Variants in FAM98B observed in about 807,000 individuals in gnomAD.
FAM98B encodes the protein tRNA-splicing ligase complex subunit FAM98B.
Under a neutral mutation model 43.9 loss-of-function variants are expected in FAM98B, and 32 were observed. That is an observed-to-expected ratio of 0.73 (90% confidence interval 0.55 to 0.98). FAM98B has a LOEUF of 0.98. Ranked by LOEUF, FAM98B falls within the 50% of genes least tolerant of loss-of-function variation. The pLI is 0.00. For missense variants in FAM98B, 514 were observed against 522.9 expected (o/e 0.98, Z 0.17); for synonymous variants, 190 against 174.0 (o/e 1.09, Z -0.72).
intron 1 of FAM98B, among the ~76,000 whole-genome samples, chr15:38,456,925 CTTTT>C (rs1889858168): frequency 6.6e-6 from 1 of 152,146 alleles, no homozygotes; most frequent in Non-Finnish European, 1.5e-5. Flanking sequence ...CATGCAGCCC[CTTTT>C]AGTCTGTGTT....
intron 6 of FAM98B, among the ~76,000 whole-genome samples, chr15:38,480,705 A>C (rs1890269599): frequency 6.6e-6 from 1 of 152,210 alleles, no homozygotes; most frequent in South Asian, 2.1e-4. Flanking sequence ...AGTTCTCATT[A>C]AATGTTAACT....
In FAM98B at chr15:38,484,536, T is replaced by C. The variant is rs1231841456; in HGVS notation, c.1179T>C (p.Tyr393=). 2 of 1,159,710 alleles carry C rather than the reference T, an allele frequency of 1.7e-6. No homozygotes were observed. The highest frequency in any genetic ancestry group is 2.1e-6 in the Non-Finnish European group (2 of 942,136). 71.8% of individuals were successfully genotyped at this position (1,159,710 alleles called of 1,614,324 possible). A position where few individuals can be genotyped will look rare whatever the true frequency, so the allele number is the denominator to read the frequency against. ...GAGGTTTCCAAGGCAGGGGAGATTA[T>C]GGTGGAAGAGGGGGTTATGGTGGAA... ...GRGGFQGRGD[Y]GGRGGYGGRG... The change falls in exon 8 of 8, where the codon TAT becomes TAC. Residue 393 remains tyrosine (Y), a synonymous_variant. Transcript: ENST00000397609.
chr15:38,477,971 A>G (rs1434820371), intron 6 of FAM98B, among the ~76,000 whole-genome samples: 1 of 152,268 alleles, frequency 6.6e-6, no homozygotes, highest in South Asian at 2.1e-4. Flanking sequence ...TAGAGGTTTT[A>G]TCTATGTTGG....
rs748235091 is a variant in FAM98B at position 38,484,614 on chromosome 15, T to A, written c.1257T>A (p.Gly419=). Residue 419 remains glycine (G), a synonymous_variant, in exon 8 of 8, where the codon GGT becomes GGA. Transcript: ENST00000397609. The stretch of plus-strand genomic sequence containing the variant: ...GAGATCCATATGGAGGAGGTGGTGG[T>A]GGTGGTGGTGGTGGTGGTGGAGGAG... ...GYGDPYGGGG[G]GGGGGGGGGG... 6.0e-5 allele frequency: 52 copies of A among 864,834 alleles called. No homozygotes were observed. The highest frequency in any genetic ancestry group is 1.7e-4 in the South Asian group (8 of 47,148). 53.6% of individuals were successfully genotyped at this position (864,834 alleles called of 1,614,324 possible). A position where few individuals can be genotyped will look rare whatever the true frequency, so the allele number is the denominator to read the frequency against.
chr15:38,465,799 C>T (rs1890022282), intron 3 of FAM98B, among the ~76,000 whole-genome samples: 1 of 152,076 alleles, frequency 6.6e-6, no homozygotes, highest in Non-Finnish European at 1.5e-5. Context: ...ACACCAAGAA[C>T]TGCTCTGGAT....
intron 3 of FAM98B, among the ~76,000 whole-genome samples, chr15:38,466,206 G>A (rs1160273925): frequency 1.3e-5 from 2 of 151,700 alleles, no homozygotes; most frequent in African/African-American, 4.8e-5. Context: ...GTGTGTGTGT[G>A]TGTGTGTGTG....
chr15:38,478,224 A>T (rs1890233586), intron 6 of FAM98B, among the ~76,000 whole-genome samples: 1 of 152,170 alleles, frequency 6.6e-6, no homozygotes, highest in African/African-American at 2.4e-5. Context: ...TTGAGCAAAT[A>T]TTCCTTTAGG....
intron 7 of FAM98B, 179 bp downstream of exon 7, chr15:38,481,638 T>C (rs766052033): frequency 8.6e-6 from 13 of 1,514,640 alleles, no homozygotes; most frequent in Admixed American, 6.3e-5. Flanking sequence ...TTCACTTGAA[T>C]TTGTGTATTC....
At position 38,474,230 on chromosome 15, in the gene FAM98B, C is replaced by T. The variant is rs1181749907; in HGVS notation, c.661C>T (p.Arg221Cys). 3.7e-6 allele frequency: 6 copies of T among 1,613,556 alleles called. No homozygotes were observed. Among genetic ancestry groups the T allele is most frequent in the African/African-American group, 2.7e-5 (2 of 74,870 alleles). ...NDALSCEYEC[R>C]RRMLMKRLDV... ...TGCTCTTTCCTGTGAATATGAGTGC[C>T]GCCGACGAATGTTAATGAAACGATT... The change falls in exon 6 of 8, where the codon CGC (arginine) becomes TGC (cysteine). Residue 221 changes from arginine (R) to cysteine (C), a missense_variant. Arg to Cys is a radical substitution (Grantham distance 180). Around this residue, in one of 2 missense-constraint regions of FAM98B, gnomAD observed 469 missense variants for 451.8 expected, o/e 1.04. Coordinates refer to ENST00000397609, the MANE Select transcript of FAM98B (RefSeq NM_173611.4).
chr15:38,454,808 G>A lies in FAM98B; in HGVS notation c.71+576G>A, dbSNP rs573260588. Among the ~76,000 whole-genome samples, 7 of 152,218 alleles carry A rather than the reference G, an allele frequency of 4.6e-5. No homozygotes were observed. The East Asian group carries it at 1.4e-3, about 29-fold the overall frequency. On this transcript the variant is annotated intron_variant, in intron 1 of 7. Coordinates refer to ENST00000397609, the MANE Select transcript of FAM98B (RefSeq NM_173611.4). ...ATTTACGTTTGTAAATTTCCCCTAG[G>A]CAAGGGAAAAGGATAGTTTTTCAGA...
At chr15:38,462,313 C>T (rs1889962126) in intron 1 of FAM98B, among the ~76,000 whole-genome samples, 1 of 152,028 alleles carries the variant, frequency 6.6e-6, no homozygotes, top group Admixed American at 6.6e-5. Context: ...GTAGAGGATA[C>T]AAGATTAAAA....
Position 38,484,394 on chromosome 15 carries a change from G to GATATAGAAGA in FAM98B, c.1037_1038insATATAGAAGA (p.Arg347TyrfsTer4), listed in dbSNP as rs1316898124. On this transcript the variant is annotated frameshift_variant, in exon 8 of 8. Coordinates refer to ENST00000397609, the MANE Select transcript of FAM98B (RefSeq NM_173611.4). LOFTEE classifies it low-confidence loss of function (END_TRUNC). Reference sequence around the variant, plus strand: ...TGGGGTGGTGGTGGTGGAGGTGGTGGTAGAGGAGGTGGTGGGGGTGGGGGT... The same window carrying GATATAGAAGA: ...TGGGGTGGTGGTGGTGGAGGTGGTGGATATAGAAGATAGAGGAGGTGGTGGGGGTGGGGGT... 7.7e-7 allele frequency: 1 copy of GATATAGAAGA among 1,293,476 alleles called. No homozygotes were observed. The highest frequency in any genetic ancestry group is 1.9e-5 in the African/African-American group (1 of 53,640). The allele number at this position is 1,293,476 out of a possible 1,614,324, so 80.1% of individuals were successfully genotyped here.
Position 38,484,297 on chromosome 15 carries a change from G to A in FAM98B, c.940G>A (p.Glu314Lys). ...GCCTGACAGGGGAGGCCGGCCGAAT[G>A]AAATTGAACCACCACCTCCAGAAAT... ...RVPDRGGRPNEIEPPPPEMPP... is the reference protein window; with the variant it reads ...RVPDRGGRPNKIEPPPPEMPP... The change falls in exon 8 of 8, where the codon GAA becomes AAA. Residue 314 changes from glutamate to lysine, a missense_variant. This residue lies in a region of FAM98B where 469 missense variants were observed against 451.8 expected (regional missense o/e 1.04). Transcript: ENST00000397609. The A allele has an allele frequency of 6.5e-7, 1 of 1,549,784 alleles. No homozygotes were observed. Among genetic ancestry groups the A allele is most frequent in the Non-Finnish European group, 8.7e-7 (1 of 1,147,070 alleles).
At chr15:38,470,436 T>G in intron 4 of FAM98B, 31 bp downstream of exon 4, 1 of 1,548,846 alleles carries the variant, frequency 6.5e-7, no homozygotes, top group Non-Finnish European at 8.7e-7. Flanking sequence ...TCCCCAAAAT[T>G]CAACTGAATG....
rs780344256 is a variant in FAM98B at position 38,484,629 on chromosome 15, TGGTGGAGGA to T, written c.1279_1287del (p.Gly427_Gly429del). ...GAGGTGGTGGTGGTGGTGGTGGTGG[TGGTGGAGGA>T]GGTGGATATAGAAGATACTAAAAAC... On this transcript the variant is annotated inframe_deletion, in exon 8 of 8. Transcript: ENST00000397609. The T allele has an allele frequency of 6.9e-5, 87 of 1,266,752 alleles. 1 individual carries two copies. The highest frequency in any genetic ancestry group is 2.0e-4 in the South Asian group (14 of 71,736). 78.5% of individuals were successfully genotyped at this position (1,266,752 alleles called of 1,614,324 possible).
chr15:38,485,397 G>C lies in FAM98B; in HGVS notation c.*738G>C, dbSNP rs549786885. The C allele has an allele frequency of 6.6e-5, 10 of 152,332 alleles. No homozygotes were observed. Among genetic ancestry groups the C allele is most frequent in the African/African-American group, 2.2e-4 (9 of 41,570 alleles). The allele number at this position is 152,332 out of a possible 1,614,324, so 9.4% of individuals were successfully genotyped here. A position where few individuals can be genotyped will look rare whatever the true frequency, so the allele number is the denominator to read the frequency against. The stretch of plus-strand genomic sequence containing the variant: ...ACTTTACATGACGGTGTGAGAAATA[G>C]TCCTATAAACTGGTCTCTTCATCAT... On this transcript the variant is annotated 3_prime_UTR_variant, in exon 8 of 8. Coordinates refer to ENST00000397609, the MANE Select transcript of FAM98B (RefSeq NM_173611.4).
intron 3 of FAM98B, among the ~76,000 whole-genome samples, chr15:38,467,325 A>G (rs1890051178): frequency 6.6e-6 from 1 of 152,208 alleles, no homozygotes; most frequent in South Asian, 2.1e-4. Flanking sequence ...TGTACTATGT[A>G]AAGAGCTTTT....
chr15:38,465,440 C>G (rs541533860), intron 3 of FAM98B, 37 bp downstream of exon 3: 2 of 1,513,268 alleles, frequency 1.3e-6, no homozygotes, highest in Non-Finnish European at 1.8e-6. Context: ...ATGTGTTTGA[C>G]ATGGTTTTTA....
At chr15:38,460,913 G>A (rs1889936306) in intron 1 of FAM98B, among the ~76,000 whole-genome samples, 3 of 152,096 alleles carry the variant, frequency 2.0e-5, no homozygotes, top group South Asian at 4.2e-4. Flanking sequence ...TATATAAATT[G>A]TTTAGCACTG....
Sources: allele counts gnomAD v4.1 joint callset (sites outside exome capture counted in the v4.1 genomes callset), GRCh38; gene constraint gnomAD v4.1.1; regional missense constraint gnomAD v4.1.1; transcripts MANE v1.5; gene names NCBI Gene and HGNC (gene_info 2026-07-23, HGNC 2026-07-21).